Variants in CTDSPL observed in about 807,000 individuals in gnomAD.
The protein encoded by CTDSPL is CTD small phosphatase-like protein.
A neutral mutation model predicts 30.5 loss-of-function variants in CTDSPL; 8 were observed. The observed-to-expected ratio is 0.26, with a 90% confidence interval of 0.15 to 0.47. CTDSPL has a LOEUF of 0.47. Among genes scored for constraint, CTDSPL ranks in the 20% least tolerant of loss-of-function variants. The pLI is 0.99. For synonymous variants in CTDSPL, 110 were observed against 137.9 expected, an observed-to-expected ratio of 0.80 and a Z score of 1.42; for missense variants, 248 against 366.1, an observed-to-expected ratio of 0.68 and a Z score of 2.63.
At chr3:37,950,444 T>C (rs1699093937) in intron 2 of CTDSPL, among the ~76,000 whole-genome samples, 1 of 152,116 alleles carries the variant, frequency 6.6e-6, no homozygotes, top group African/African-American at 2.4e-5. Context: ...AAAAGTAACA[T>C]TTGGAACTTA....
intron 2 of CTDSPL, chr3:37,954,336 G>A (rs528187574): frequency 6.6e-6 from 1 of 152,350 alleles, no homozygotes; most frequent in African/African-American, 2.4e-5. Context: ...ATAATCCAAA[G>A]TGGGGTGATA....
At chr3:37,934,560 C>T (rs929210570) in intron 1 of CTDSPL, among the ~76,000 whole-genome samples, 3 of 152,220 alleles carry the variant, frequency 2.0e-5, no homozygotes, top group Non-Finnish European at 4.4e-5. Context: ...TTTACATAAT[C>T]TCTCCTTCTG....
At chr3:37,976,373 C>G (rs1478402083) in intron 7 of CTDSPL, among the ~76,000 whole-genome samples, 1 of 152,116 alleles carries the variant, frequency 6.6e-6, no homozygotes, top group African/African-American at 2.4e-5. Flanking sequence ...TGTGGTGGCT[C>G]ACACCTGTAA....
intron 1 of CTDSPL, among the ~76,000 whole-genome samples, chr3:37,919,433 C>T (rs1698688439): frequency 6.6e-6 from 1 of 152,200 alleles, no homozygotes; most frequent in African/African-American, 2.4e-5. Context: ...ATTAACACAA[C>T]ATGACAGAAA....
At chr3:37,964,767 T>C (rs1699281882) in intron 4 of CTDSPL, 95 bp downstream of exon 4, 2 of 934,488 alleles carry the variant, frequency 2.1e-6, no homozygotes, top group Admixed American at 2.0e-5. Flanking sequence ...CTTATGGTGG[T>C]TAGTGTGTGA....
chr3:37,866,969 C>T (rs1698017299), intron 1 of CTDSPL, among the ~76,000 whole-genome samples: 1 of 152,166 alleles, frequency 6.6e-6, no homozygotes, highest in Non-Finnish European at 1.5e-5. Context: ...ATGCCCTCTA[C>T]CCGGTTTCTC....
rs565085777 is a variant in CTDSPL at position 37,862,589 on chromosome 3, T to C, written c.79+311T>C. On this transcript the variant is annotated intron_variant, in intron 1 of 7. Coordinates refer to ENST00000273179, the MANE Select transcript of CTDSPL (RefSeq NM_001008392.2). The surrounding 1 kb of genome is among the most constrained non-coding windows in gnomAD (Gnocchi z 4.3). Reference sequence around the variant, plus strand: ...CCTGTGTGTGCACCTAACACAGAGGTTCTAAGTGTGTGCACTTGTATGTGT... The same window carrying C: ...CCTGTGTGTGCACCTAACACAGAGGCTCTAAGTGTGTGCACTTGTATGTGT... Among the ~76,000 whole-genome samples the C allele has an allele frequency of 6.6e-6, 1 of 152,234 alleles. No individual in the cohort carries two copies. The highest frequency in any genetic ancestry group is 1.9e-4 in the East Asian group (1 of 5,180).
chr3:37,918,974 A>G (rs1023535814), intron 1 of CTDSPL, among the ~76,000 whole-genome samples: 9 of 152,102 alleles, frequency 5.9e-5, no homozygotes, highest in African/African-American at 2.2e-4. Context: ...ATTATTTATC[A>G]TGAAAAAAAT....
intron 2 of CTDSPL, among the ~76,000 whole-genome samples, chr3:37,952,856 G>A (rs569619688): frequency 2.0e-5 from 3 of 152,258 alleles, no homozygotes; most frequent in African/African-American, 7.2e-5. Context: ...AAACCTCAGA[G>A]GTTTAAACAA....
chr3:37,934,554 C>G (rs767381018), intron 1 of CTDSPL, among the ~76,000 whole-genome samples: 1 of 152,200 alleles, frequency 6.6e-6, no homozygotes, highest in Admixed American at 6.5e-5. Context: ...GTATATTTTA[C>G]ATAATCTCTC....
intron 2 of CTDSPL, chr3:37,954,846 A>C (rs1699151917): frequency 6.6e-6 from 1 of 152,244 alleles, no homozygotes; most frequent in African/African-American, 2.4e-5. Flanking sequence ...ACAGCGTAAA[A>C]CAGATTGCTG....
chr3:37,927,707 A>AT (rs1559636073), intron 1 of CTDSPL, among the ~76,000 whole-genome samples: 3,314 of 134,494 alleles, frequency 0.025, 164 homozygotes, highest in African/African-American at 0.083. Context: ...TATATATATA[A>AT]AAAATGAAAT....
chr3:37,948,804 C>CTTTTTTTTT (rs1559641745), intron 2 of CTDSPL, among the ~76,000 whole-genome samples: 2 of 135,904 alleles, frequency 1.5e-5, no homozygotes, highest in African/African-American at 6.2e-5. Flanking sequence ...CATTTTCCAG[C>CTTTTTTTTT]TTTCTTTTTT....
At chr3:37,967,609 C>G (rs1699312678) in intron 4 of CTDSPL, among the ~76,000 whole-genome samples, 1 of 152,184 alleles carries the variant, frequency 6.6e-6, no homozygotes, top group South Asian at 2.1e-4. Context: ...TGATATTGGA[C>G]CAAGATGCTG....
At chr3:37,947,510 A>G (rs1415334425) in intron 2 of CTDSPL, among the ~76,000 whole-genome samples, 1 of 152,200 alleles carries the variant, frequency 6.6e-6, no homozygotes, top group African/African-American at 2.4e-5. Flanking sequence ...CAGTGAGCCA[A>G]GATCCCGCCA....
chr3:37,942,252 G>A (rs1233148651), intron 1 of CTDSPL, among the ~76,000 whole-genome samples: 2 of 150,514 alleles, frequency 1.3e-5, no homozygotes, highest in African/African-American at 4.8e-5. Flanking sequence ...AGAAAAAAAT[G>A]TACGCCCGCA....
At position 37,947,254 on chromosome 3, in the gene CTDSPL, A is replaced by G. The variant is rs771249758; in HGVS notation, c.234+43A>G. 2.5e-6 allele frequency: 4 copies of G among 1,588,812 alleles called. No homozygotes were observed. The East Asian group carries it at 6.8e-5, about 27-fold the overall frequency. On this transcript the variant is annotated intron_variant, in intron 2 of 7. Coordinates refer to ENST00000273179, the MANE Select transcript of CTDSPL (RefSeq NM_001008392.2). ...ACTGTGCCCTCCATAAAACTGCAGC[A>G]GTGGCATCTCTGTCCCATCCTTGAT...
chr3:37,873,299 T>C (rs1419051837), intron 1 of CTDSPL, among the ~76,000 whole-genome samples: 1 of 152,194 alleles, frequency 6.6e-6, no homozygotes, highest in Non-Finnish European at 1.5e-5. Flanking sequence ...CAGTTTTGTC[T>C]GAAAGATTTC....
At chr3:37,894,679 A>T (rs1698371667) in intron 1 of CTDSPL, among the ~76,000 whole-genome samples, 1 of 152,050 alleles carries the variant, frequency 6.6e-6, no homozygotes, top group Non-Finnish European at 1.5e-5. Context: ...GCCTTCTGGG[A>T]CTATGGTTAA....
Sources: gnomAD v4.1 joint callset for allele counts (sites outside exome capture counted in the v4.1 genomes callset) on GRCh38, gnomAD v4.1.1 for gene constraint, Gnocchi (gnomAD v3.1) non-coding constraint, MANE v1.5 for transcripts, NCBI Gene and HGNC (gene_info 2026-07-23, HGNC 2026-07-21) for gene names.